CCDC149: variants seen among roughly 807,000 people sequenced by gnomAD.
CCDC149 encodes the protein coiled-coil domain-containing protein 149.
A neutral mutation model predicts 59.9 loss-of-function variants in CCDC149; 45 were observed. The ratio of observed to expected loss-of-function variants is 0.75; its 90% confidence interval spans 0.59 to 0.96. The LOEUF (loss-of-function observed/expected upper bound fraction) is 0.96, where lower values mean the gene tolerates loss of function less well. Among genes scored for constraint, CCDC149 ranks in the 40% least tolerant of loss-of-function variants. The pLI is 0.00. For missense variants in CCDC149, 584 were observed against 664.7 expected (o/e 0.88, Z 1.33); for synonymous variants, 245 against 260.6 (o/e 0.94, Z 0.58).
chr4:24,830,236 G>A (rs973355125), intron 9 of CCDC149: 3 of 152,332 alleles, frequency 2.0e-5, no homozygotes, highest in African/African-American at 7.2e-5. Context: ...GAAAGATGAG[G>A]TGTTCTGTAG....
chr4:24,849,157 G>T (rs755246700), intron 4 of CCDC149, among the ~76,000 whole-genome samples: 1 of 151,918 alleles, frequency 6.6e-6, no homozygotes, highest in Non-Finnish European at 1.5e-5. Flanking sequence ...CAACCTCTGC[G>T]GCAGACCAAG....
chr4:24,846,550 G>GCCTGTCTTTA, intron 4 of CCDC149, among the ~76,000 whole-genome samples: 1 of 152,136 alleles, frequency 6.6e-6, no homozygotes, highest in Non-Finnish European at 1.5e-5. Flanking sequence ...ACACTCATTG[G>GCCTGTCTTTA]TCTGTCTTTA....
intron 3 of CCDC149, among the ~76,000 whole-genome samples, chr4:24,862,546 A>G (rs1012254823): frequency 6.6e-6 from 1 of 152,172 alleles, no homozygotes; most frequent in Non-Finnish European, 1.5e-5. Flanking sequence ...ATATACTTAC[A>G]TGATTGCTGG....
Position 24,853,035 on chromosome 4 carries a change from T to G in CCDC149, c.372+37A>C, listed in dbSNP as rs776363579. 3 of 1,321,368 alleles carry G rather than the reference T, an allele frequency of 2.3e-6. No homozygotes were observed. In the Admixed American group the frequency reaches 5.2e-5, roughly 23 times the overall value. 81.9% of individuals were successfully genotyped at this position (1,321,368 alleles called of 1,614,324 possible). A position where few individuals can be genotyped will look rare whatever the true frequency, so the allele number is the denominator to read the frequency against. ...TATATAAACCTCGAACGCACAATGT[T>G]GCAGCAGAGCTTCTTCCCTGTAAAT... On this transcript the variant is annotated intron_variant, in intron 4 of 12. Transcript: ENST00000635206.
intron 9 of CCDC149, among the ~76,000 whole-genome samples, chr4:24,824,195 A>G (rs1298420199): frequency 6.6e-6 from 1 of 152,220 alleles, no homozygotes; most frequent in Admixed American, 6.5e-5. Flanking sequence ...ATGTTTCGGG[A>G]TAACACAGCC....
In CCDC149 at chr4:24,929,383, T is replaced by C. The variant is rs186685263; in HGVS notation, c.-64-34265A>G. Among the ~76,000 whole-genome samples the C allele has an allele frequency of 3.9e-3, 589 of 152,284 alleles. 4 individuals are homozygous for C. The highest frequency in any genetic ancestry group is 0.014 in the African/African-American group (572 of 41,546). ...AAAATTTTACAAAATCTCTTCTCCC[T>C]CCTAATCCTTAGCGCCACCACCGCT... On this transcript the variant is annotated intron_variant, in intron 1 of 12. Transcript: ENST00000389609.
intron 1 of CCDC149, among the ~76,000 whole-genome samples, chr4:24,922,982 A>G (rs1196801055): frequency 6.6e-6 from 1 of 152,174 alleles, no homozygotes; most frequent in African/African-American, 2.4e-5. Flanking sequence ...ACCAATTTAC[A>G]TACAGATTCT....
intron 12 of CCDC149, among the ~76,000 whole-genome samples, chr4:24,815,081 TAATA>T (rs1714925787): frequency 6.6e-6 from 1 of 152,230 alleles, no homozygotes; most frequent in African/African-American, 2.4e-5. Context: ...GGGGACTTAA[TAATA>T]AATAGCTTAT....
downstream of CCDC149, among the ~76,000 whole-genome samples, chr4:24,803,536 G>C (rs1713982265): frequency 6.9e-6 from 1 of 144,328 alleles, no homozygotes; most frequent in Non-Finnish European, 1.5e-5. The surrounding 1 kb of genome is among the most constrained non-coding windows in gnomAD (Gnocchi z 4.3). Flanking sequence ...ATTGCCACAT[G>C]TTTATTTCAG....
chr4:24,822,167 T>G (rs1200223141), intron 10 of CCDC149, among the ~76,000 whole-genome samples: 1 of 152,016 alleles, frequency 6.6e-6, no homozygotes, highest in Non-Finnish European at 1.5e-5. Context: ...ATCTACAGAT[T>G]AAAAGAAAAG....
chr4:24,887,284 G>T (rs1162705203), intron 1 of CCDC149, among the ~76,000 whole-genome samples: 1 of 142,132 alleles, frequency 7.0e-6, no homozygotes, highest in African/African-American at 2.5e-5. Flanking sequence ...GTGGGGGTGG[G>T]GTGGGGGGCG....
At chr4:24,810,672 A>G (rs2109085913) in intron 12 of CCDC149, among the ~76,000 whole-genome samples, 1 of 152,338 alleles carries the variant, frequency 6.6e-6, no homozygotes, top group South Asian at 2.1e-4. Context: ...ACAGGTATGT[A>G]AATGTTGAAT....
Position 24,905,245 on chromosome 4 carries a change from A to T in CCDC149, c.63+7572T>A, listed in dbSNP as rs1407685899. 9.2e-5 allele frequency among the ~76,000 whole-genome samples: 14 copies of T among 151,956 alleles called. No individual in the cohort carries two copies. In the East Asian group the frequency reaches 2.5e-3, roughly 27 times the overall value. ...GAGTTCCTTTTATATTCTGGATACT[A>T]GATGTGTGTTGTGCACATATTTTCT... On this transcript the variant is annotated intron_variant, in intron 1 of 12. Coordinates refer to ENST00000635206, the MANE Select transcript of CCDC149 (RefSeq NM_001330643.2).
In CCDC149 at chr4:24,834,092, A is replaced by G. The variant is rs74645758; in HGVS notation, c.820+856T>C. Among the ~76,000 whole-genome samples the G allele has an allele frequency of 6.7e-4, 102 of 152,300 alleles. 1 individual carries two copies. The East Asian group carries it at 0.017, about 25-fold the overall frequency. ...TATTGTAGTTTTCTTTTGAAAAACA[A>G]TTCTAGGGTGTTCTTTTCTGGTTGA... On this transcript the variant is annotated intron_variant, in intron 8 of 12. Coordinates refer to ENST00000635206, the MANE Select transcript of CCDC149 (RefSeq NM_001330643.2).
intron 1 of CCDC149, among the ~76,000 whole-genome samples, chr4:24,946,782 A>T (rs922781629): frequency 2.6e-5 from 4 of 152,226 alleles, no homozygotes; most frequent in African/African-American, 9.6e-5. Context: ...CTTTGTGATT[A>T]GTCTAAAGAT....
chr4:24,932,215 A>G (rs553681200), intron 1 of CCDC149, among the ~76,000 whole-genome samples: 37 of 152,310 alleles, frequency 2.4e-4, no homozygotes, highest in African/African-American at 8.4e-4. Flanking sequence ...AGTTTTAGGC[A>G]CCTAACAGGT....
intron 1 of CCDC149, among the ~76,000 whole-genome samples, chr4:24,942,849 G>C (rs556452253): frequency 5.3e-4 from 81 of 152,008 alleles, no homozygotes; most frequent in African/African-American, 1.8e-3. Flanking sequence ...AGGGATGTGA[G>C]GGAACTCTTC....
At chr4:24,826,409 A>T (rs2109117945) in intron 9 of CCDC149, among the ~76,000 whole-genome samples, 1 of 152,248 alleles carries the variant, frequency 6.6e-6, no homozygotes, top group South Asian at 2.1e-4. Flanking sequence ...TATGGTCCAA[A>T]CCAAGCCAGT....
chr4:24,846,852 T>C (rs563035316), intron 4 of CCDC149, among the ~76,000 whole-genome samples: 2 of 152,346 alleles, frequency 1.3e-5, no homozygotes, highest in African/African-American at 4.8e-5. Flanking sequence ...TCCTTGCTTT[T>C]GAATACATCG....
Sources: gnomAD v4.1 joint callset for allele counts (sites outside exome capture counted in the v4.1 genomes callset) on GRCh38, gnomAD v4.1.1 for gene constraint, Gnocchi (gnomAD v3.1) non-coding constraint, MANE v1.5 for transcripts, NCBI Gene and HGNC (gene_info 2026-07-23, HGNC 2026-07-21) for gene names.